GLIPR1L2: variants seen among roughly 807,000 people sequenced by gnomAD.
GLIPR1L2 encodes GLIPR1 like 2, also known as GLIPR1-like protein 2.
In GLIPR1L2, 21 loss-of-function variants were observed where a neutral mutation model predicts 28.4. That is an observed-to-expected ratio of 0.74 (90% CI 0.52 to 1.06). The LOEUF (loss-of-function observed/expected upper bound fraction) is 1.06. Among genes scored for constraint, GLIPR1L2 ranks in the 50% least tolerant of loss-of-function variants. The probability of loss-of-function intolerance (pLI) is 0.00; values close to 1 mark genes in which losing one functional copy is unlikely to be tolerated. For synonymous variants in GLIPR1L2, 145 were observed against 139.3 expected (o/e 1.04, Z -0.29); for missense variants, 476 against 416.9 (o/e 1.14, Z -1.23).
At chr12:75,413,815 T>C (rs1413595684) in intron 3 of GLIPR1L2, 114 bp downstream of exon 3, 11 of 487,504 alleles carry the variant, frequency 2.3e-5, no homozygotes. Context: ...TAAATATACT[T>C]TACATTGAAA....
intron 3 of GLIPR1L2, among the ~76,000 whole-genome samples, chr12:75,414,511 C>T (rs892408592): frequency 4.6e-5 from 7 of 151,936 alleles, no homozygotes; most frequent in African/African-American, 1.2e-4. Context: ...ATTGTATTCC[C>T]CTGGCTAAGA....
At position 75,422,940 on chromosome 12, in the gene GLIPR1L2, AT is replaced by A. The variant is rs746185460; in HGVS notation, c.625del (p.Cys209ValfsTer51). The A allele has an allele frequency of 2.5e-5, 41 of 1,612,580 alleles. 1 individual carries two copies. The East Asian group carries it at 8.3e-4, about 32-fold the overall frequency. ...LTRRPYEPGIFCTRCGRRDKC... is the reference protein window; with the variant it reads ...LTRRPYEPGIXCTRCGRRDKC... The stretch of plus-strand genomic sequence containing the variant: ...CGAGAAGACCTTATGAACCAGGAAT[AT>A]TTTGTACTCGATGTGGCAGACGTGA... On this transcript the variant is annotated frameshift_variant, in exon 4 of 6. Transcript: ENST00000550916. LOFTEE classifies it high-confidence loss of function.
chr12:75,414,369 G>A (rs1308903253), intron 3 of GLIPR1L2, among the ~76,000 whole-genome samples: 1 of 151,956 alleles, frequency 6.6e-6, no homozygotes, highest in Non-Finnish European at 1.5e-5. Flanking sequence ...AAATAAGTTA[G>A]AAAATGTTTG....
chr12:75,402,387 A>G lies in GLIPR1L2; in HGVS notation c.235-8047A>G, dbSNP rs538229025. On this transcript the variant is annotated intron_variant, in intron 1 of 5. Transcript: ENST00000550916. Reference sequence around the variant, plus strand: ...TTTCTGTGTGTTTAAAAAATGGAAGATTCAATTCATTTTAGAAATCTAGAA... The same window carrying G: ...TTTCTGTGTGTTTAAAAAATGGAAGGTTCAATTCATTTTAGAAATCTAGAA... Among the ~76,000 whole-genome samples the G allele has an allele frequency of 3.9e-4, 59 of 152,326 alleles. No homozygotes were observed. The South Asian group carries it at 0.012, about 30-fold the overall frequency.
chr12:75,400,488 C>A (rs895830189), intron 1 of GLIPR1L2, among the ~76,000 whole-genome samples: 1 of 151,972 alleles, frequency 6.6e-6, no homozygotes, highest in Admixed American at 6.6e-5. Context: ...CATTATGATA[C>A]GTTTTGTATA....
At chr12:75,413,820 T>C (rs1039671266) in intron 3 of GLIPR1L2, 119 bp downstream of exon 3, 84 of 477,720 alleles carry the variant, frequency 1.8e-4, no homozygotes, top group Middle Eastern at 5.5e-4. Flanking sequence ...ATACTTTACA[T>C]TGAAATATTT....
intron 3 of GLIPR1L2, among the ~76,000 whole-genome samples, chr12:75,416,810 C>T (rs1566073965): frequency 6.6e-6 from 1 of 151,920 alleles, no homozygotes; most frequent in Non-Finnish European, 1.5e-5. Flanking sequence ...ACCATTTTTC[C>T]TTTGATACAA....
intron 3 of GLIPR1L2, among the ~76,000 whole-genome samples, chr12:75,415,552 A>C (rs948818768): frequency 5.3e-5 from 8 of 152,112 alleles, no homozygotes; most frequent in African/African-American, 1.9e-4. Flanking sequence ...ATATTGTGGC[A>C]GGATTGTCTT....
chr12:75,410,188 C>T (rs1297895820), intron 1 of GLIPR1L2, among the ~76,000 whole-genome samples: 4 of 151,628 alleles, frequency 2.6e-5, no homozygotes, highest in Admixed American at 6.6e-5. Context: ...AGAGTATTAT[C>T]ATTTCCATCA....
At chr12:75,412,302 A>C (rs1170405438) in intron 2 of GLIPR1L2, among the ~76,000 whole-genome samples, 1 of 151,986 alleles carries the variant, frequency 6.6e-6, no homozygotes, top group Non-Finnish European at 1.5e-5. Context: ...TTCTGGATCA[A>C]CCGTGTTCTC....
intron 1 of GLIPR1L2, among the ~76,000 whole-genome samples, chr12:75,404,055 T>C (rs765087889): frequency 7.2e-5 from 11 of 152,172 alleles, no homozygotes; most frequent in Non-Finnish European, 1.6e-4. Context: ...GCATTAGCCC[T>C]CATATTGAGT....
Position 75,413,656 on chromosome 12 carries a change from G to C in GLIPR1L2, c.539G>C (p.Gly180Ala). ...GCAVTPCSKI[G>A]HIIHAAIFIC... is the part of the protein sequence containing the mutation. ...GCTGTTACTCCATGTTCAAAAATTGGACATATTATACATGCAGCAATTTTC... is the reference window on the plus strand; with the variant it reads ...GCTGTTACTCCATGTTCAAAAATTGCACATATTATACATGCAGCAATTTTC... Residue 180 changes from glycine to alanine, a missense_variant, in exon 3 of 6, where the codon GGA (glycine) becomes GCA (alanine). By Grantham distance (60) the Gly-to-Ala change is moderately conservative. Coordinates refer to ENST00000550916, the MANE Select transcript of GLIPR1L2 (RefSeq NM_001270396.2). 2.6e-6 allele frequency: 4 copies of C among 1,564,902 alleles called. No individual in the cohort carries two copies. Among genetic ancestry groups the C allele is most frequent in the Non-Finnish European group, 3.5e-6 (4 of 1,158,852 alleles).
chr12:75,391,382 C>T (rs754202250), intron 1 of GLIPR1L2, 32 bp downstream of exon 1: 6 of 1,606,656 alleles, frequency 3.7e-6, no homozygotes, highest in Middle Eastern at 1.7e-4. Context: ...CCGACCCTTC[C>T]ACTACCGTTG....
intron 1 of GLIPR1L2, among the ~76,000 whole-genome samples, chr12:75,406,945 CCT>C (rs2045808691): frequency 1.3e-5 from 2 of 152,030 alleles, no homozygotes; most frequent in South Asian, 4.2e-4. Flanking sequence ...AAAAGTCCCA[CCT>C]AGCCCAGTTT....
rs573089981 is a variant in GLIPR1L2, at chr12:75,430,777, A to C, written c.697+36A>C. The C allele has an allele frequency of 8.0e-5, 122 of 1,534,428 alleles. No homozygotes were observed. The South Asian group carries it at 1.4e-3, about 18-fold the overall frequency. ...TTGTCCTTTATTTCTTGAACAATTG[A>C]ACTGCTTTATATGAAATCCAGCTTT... is the stretch of plus-strand genomic sequence containing the variant. On this transcript the variant is annotated intron_variant, in intron 5 of 5. Coordinates refer to ENST00000550916, the MANE Select transcript of GLIPR1L2 (RefSeq NM_001270396.2).
At chr12:75,408,048 C>T (rs188045036) in intron 1 of GLIPR1L2, among the ~76,000 whole-genome samples, 1 of 152,078 alleles carries the variant, frequency 6.6e-6, no homozygotes, top group Admixed American at 6.6e-5. Context: ...CTTCCTGTTA[C>T]CTATAAGAGA....
At chr12:75,415,873 C>T (rs2045918601) in intron 3 of GLIPR1L2, among the ~76,000 whole-genome samples, 1 of 152,038 alleles carries the variant, frequency 6.6e-6, no homozygotes, top group African/African-American at 2.4e-5. Flanking sequence ...TTTAAAACAC[C>T]CATAGGATGA....
intron 1 of GLIPR1L2, chr12:75,403,281 C>T (rs889850218): frequency 8.3e-6 from 3 of 362,740 alleles, no homozygotes; most frequent in Non-Finnish European, 1.6e-5. Context: ...TCTGAAAGGT[C>T]CCTTCTAGGC....
chr12:75,431,053 GAA>G lies in GLIPR1L2; in HGVS notation c.929_930del (p.Lys310ArgfsTer66). 6.8e-7 allele frequency: 1 copy of G among 1,464,894 alleles called. No individual in the cohort carries two copies. 90.7% of individuals were successfully genotyped at this position (1,464,894 alleles called of 1,614,324 possible). ...EEEKEEEKKE[K>X]EEMEMEIMEM... Reference sequence around the variant, plus strand: ...AGGAAAAAGAGGAAGAGAAGAAAGAGAAAGAGGAAATGGAAATGGAAATAATG... The same window carrying G: ...AGGAAAAAGAGGAAGAGAAGAAAGAGAGAGGAAATGGAAATGGAAATAATG... On this transcript the variant is annotated frameshift_variant, in exon 6 of 6. Transcript: ENST00000550916. LOFTEE classifies it low-confidence loss of function (END_TRUNC).
Sources: gnomAD v4.1 joint callset for allele counts (sites outside exome capture counted in the v4.1 genomes callset) on GRCh38, gnomAD v4.1.1 for gene constraint, MANE v1.5 for transcripts, NCBI Gene and HGNC (gene_info 2026-07-23, HGNC 2026-07-21) for gene names.